DCC: variants seen among roughly 807,000 people sequenced by gnomAD.
DCC encodes netrin receptor DCC.
A neutral mutation model predicts 172.5 loss-of-function variants in DCC; 58 were observed. The ratio of observed to expected loss-of-function variants is 0.34; its 90% CI spans 0.27 to 0.42. The LOEUF is 0.42. Ranked by LOEUF, DCC falls within the 10% of genes least tolerant of loss-of-function variation. The pLI is 1.00. For synonymous variants in DCC, 709 were observed against 644.5 expected (o/e 1.10, Z -1.52); for missense variants, 1,740 against 1,791.0 (o/e 0.97, Z 0.51).
At chr18:53,221,588 T>G (rs2055933054) in intron 12 of DCC, among the ~76,000 whole-genome samples, 1 of 152,126 alleles carries the variant, frequency 6.6e-6, no homozygotes, top group Admixed American at 6.6e-5. Flanking sequence ...AAGTTTTAGT[T>G]TGGGAAGATG....
In DCC at chr18:53,527,652, C is replaced by T. The variant is rs371398953; in HGVS notation, c.4254+893C>T. Among the ~76,000 whole-genome samples the T allele has an allele frequency of 2.6e-5, 4 of 151,256 alleles. 1 individual carries two copies. The Middle Eastern group carries it at 0.01, about 391-fold the overall frequency. On this transcript the variant is annotated intron_variant, in intron 28 of 28. Coordinates refer to ENST00000442544, the MANE Select transcript of DCC (RefSeq NM_005215.4). ...GCTAAAAAGGGTTCCAGTTAGAAAA[C>T]TCAGAAGGAACATCAATAGAGAAGG...
intron 1 of DCC, among the ~76,000 whole-genome samples, chr18:52,716,989 C>T (rs185510268): frequency 3.1e-4 from 47 of 152,264 alleles, no homozygotes; most frequent in East Asian, 1.5e-3. Flanking sequence ...CTACTCCCCT[C>T]GCCCCTCCTG....
intron 5 of DCC, among the ~76,000 whole-genome samples, chr18:53,045,225 T>C (rs190998100): frequency 1.3e-5 from 2 of 151,962 alleles, no homozygotes; most frequent in East Asian, 3.9e-4. Flanking sequence ...ACTGGAAGAA[T>C]TACATAAAAC....
At chr18:52,353,765 A>G (rs993924564) in intron 1 of DCC, among the ~76,000 whole-genome samples, 1 of 152,158 alleles carries the variant, frequency 6.6e-6, no homozygotes, top group African/African-American at 2.4e-5. Context: ...AGCTGCGCAG[A>G]TTGGATCAAT....
rs1450840338 is a variant in DCC at position 52,798,361 on chromosome 18, GTTTC to G, written c.412+45991_412+45994del. ...CTGATCCAGAGAGACTGCAGAGGAA[GTTTC>G]TTTTCTTTTTAAAAATGTTTTAAAG... On this transcript the variant is annotated intron_variant, in intron 2 of 28. Coordinates refer to ENST00000442544, the MANE Select transcript of DCC (RefSeq NM_005215.4). Among the ~76,000 whole-genome samples the G allele has an allele frequency of 2.0e-5, 3 of 152,120 alleles. No homozygotes were observed. The East Asian group carries it at 5.8e-4, about 29-fold the overall frequency.
At chr18:53,419,115 C>G (rs1176153213) in intron 21 of DCC, among the ~76,000 whole-genome samples, 1 of 152,016 alleles carries the variant, frequency 6.6e-6, no homozygotes, top group Non-Finnish European at 1.5e-5. Flanking sequence ...GAAGCGGGTG[C>G]AGAGGTTAGA....
chr18:52,509,959 C>A (rs1476968700), intron 1 of DCC, among the ~76,000 whole-genome samples: 1 of 152,042 alleles, frequency 6.6e-6, no homozygotes, highest in African/African-American at 2.4e-5. Flanking sequence ...AAAAAATCAG[C>A]TGGCGTGGTG....
chr18:52,845,569 G>A (rs2038873222), intron 2 of DCC, among the ~76,000 whole-genome samples: 1 of 152,162 alleles, frequency 6.6e-6, no homozygotes, highest in Admixed American at 6.5e-5. Context: ...CATCAGGTAA[G>A]GCACAGCCTC....
intron 2 of DCC, among the ~76,000 whole-genome samples, chr18:52,899,836 T>C (rs79795595): frequency 6.6e-6 from 1 of 152,188 alleles, no homozygotes; most frequent in African/African-American, 2.4e-5. Flanking sequence ...TTATTGCTTG[T>C]GTTTCCTAAA....
At chr18:52,517,464 T>C (rs2031678660) in intron 1 of DCC, among the ~76,000 whole-genome samples, 2 of 152,246 alleles carry the variant, frequency 1.3e-5, no homozygotes, top group Non-Finnish European at 2.9e-5. Context: ...ATCTTGCTTA[T>C]GACCCCTAAA....
chr18:52,594,343 A>G (rs1470470986), intron 1 of DCC, among the ~76,000 whole-genome samples: 1 of 152,144 alleles, frequency 6.6e-6, no homozygotes, highest in African/African-American at 2.4e-5. Flanking sequence ...CACATTGTTT[A>G]GGCTATTTTT....
chr18:52,384,761 C>T (rs1985725632), intron 1 of DCC, among the ~76,000 whole-genome samples: 2 of 151,982 alleles, frequency 1.3e-5, no homozygotes, highest in Non-Finnish European at 2.9e-5. Flanking sequence ...CAATTATAAA[C>T]AGAACTAAAA....
intron 27 of DCC, among the ~76,000 whole-genome samples, chr18:53,507,686 C>T (rs73462959): frequency 2.0e-5 from 3 of 152,196 alleles, no homozygotes; most frequent in African/African-American, 4.8e-5. Context: ...TTCATGAAAC[C>T]GTATGCCTCT....
intron 5 of DCC, among the ~76,000 whole-genome samples, chr18:53,033,783 T>C (rs1322174663): frequency 6.6e-6 from 1 of 152,170 alleles, no homozygotes; most frequent in Non-Finnish European, 1.5e-5. Context: ...TTGCTTTTAC[T>C]ATAAAACTTC....
chr18:52,610,845 CA>C (rs1206485949), intron 1 of DCC, among the ~76,000 whole-genome samples: 3 of 143,808 alleles, frequency 2.1e-5, no homozygotes, highest in African/African-American at 5.1e-5. Flanking sequence ...TACCCATTTA[CA>C]AATGTAAAAA....
intron 2 of DCC, among the ~76,000 whole-genome samples, chr18:52,895,214 A>G (rs2039711168): frequency 6.6e-6 from 1 of 152,228 alleles, no homozygotes; most frequent in Non-Finnish European, 1.5e-5. Context: ...CCCAACAAAT[A>G]TCAGCCGTAT....
intron 1 of DCC, among the ~76,000 whole-genome samples, chr18:52,691,124 G>A (rs926518373): frequency 6.6e-6 from 1 of 152,152 alleles, no homozygotes; most frequent in Non-Finnish European, 1.5e-5. Context: ...ATATTTGAGG[G>A]AAGCTCTATT....
chr18:52,730,233 GA>G (rs2036617033), intron 1 of DCC, among the ~76,000 whole-genome samples: 1 of 152,116 alleles, frequency 6.6e-6, no homozygotes, highest in Admixed American at 6.6e-5. Flanking sequence ...GTCACAACTG[GA>G]GAGGGAGAAG....
chr18:53,006,374 AATG>A (rs1325011044), intron 5 of DCC, among the ~76,000 whole-genome samples: 1 of 152,210 alleles, frequency 6.6e-6, no homozygotes, highest in African/African-American at 2.4e-5. Flanking sequence ...CCTCTGGGTC[AATG>A]ATAAGTATAA....
Sources: allele counts gnomAD v4.1 joint callset (sites outside exome capture counted in the v4.1 genomes callset), GRCh38; gene constraint gnomAD v4.1.1; transcripts MANE v1.5; gene names NCBI Gene and HGNC (gene_info 2026-07-23, HGNC 2026-07-21).